The following INPP4B variants were observed in gnomAD, a reference collection of about 807,000 sequenced individuals.
The protein encoded by INPP4B is inositol polyphosphate 4-phosphatase type II.
A neutral mutation model predicts 122.5 loss-of-function variants in INPP4B; 55 were observed. The ratio of observed to expected loss-of-function variants is 0.45; its 90% CI spans 0.36 to 0.56. The LOEUF is 0.56. Ranked by LOEUF, INPP4B falls within the 20% of genes least tolerant of loss-of-function variation. The pLI, the probability that INPP4B is intolerant of heterozygous loss-of-function variation, is 0.00. For missense variants in INPP4B, 1,000 were observed against 1,097.7 expected (o/e 0.91, Z 1.26); for synonymous variants, 403 against 388.7 (o/e 1.04, Z -0.43).
intron 4 of INPP4B, among the ~76,000 whole-genome samples, chr4:142,430,255 A>G (rs981647984): frequency 2.0e-5 from 3 of 151,994 alleles, no homozygotes; most frequent in African/African-American, 7.2e-5. Flanking sequence ...TGCTTTGGTT[A>G]ACAATTTTAG....
intron 2 of INPP4B, among the ~76,000 whole-genome samples, chr4:142,608,115 T>C (rs1741669528): frequency 6.6e-6 from 1 of 152,146 alleles, no homozygotes; most frequent in Non-Finnish European, 1.5e-5. Context: ...AATAAATGAA[T>C]GAATCATCAA....
At chr4:142,453,264 T>G (rs936222358) in intron 3 of INPP4B, among the ~76,000 whole-genome samples, 4 of 152,310 alleles carry the variant, frequency 2.6e-5, no homozygotes, top group African/African-American at 9.6e-5. Context: ...GTACCCAAGA[T>G]GAGTTAAATA....
intron 2 of INPP4B, among the ~76,000 whole-genome samples, chr4:142,491,012 T>C (rs1334861840): frequency 1.3e-5 from 2 of 152,194 alleles, no homozygotes; most frequent in Non-Finnish European, 2.9e-5. Flanking sequence ...TTGTGAATAA[T>C]ACTGCAATGA....
At chr4:142,674,527 A>G (rs1757448941) in intron 2 of INPP4B, among the ~76,000 whole-genome samples, 1 of 152,184 alleles carries the variant, frequency 6.6e-6, no homozygotes, top group Non-Finnish European at 1.5e-5. Context: ...AAGCAGACCT[A>G]ATAGACATCT....
At chr4:142,060,617 C>A (rs905481984) in intron 25 of INPP4B, among the ~76,000 whole-genome samples, 2 of 152,128 alleles carry the variant, frequency 1.3e-5, no homozygotes, top group Admixed American at 6.5e-5. Flanking sequence ...TGTCTTTTAA[C>A]CCGTCTGTGG....
intron 9 of INPP4B, among the ~76,000 whole-genome samples, chr4:142,284,949 C>T (rs529640651): frequency 4.6e-5 from 7 of 151,978 alleles, no homozygotes; most frequent in African/African-American, 1.7e-4. Flanking sequence ...AACAGGATAG[C>T]GGGGCACAGG....
intron 2 of INPP4B, among the ~76,000 whole-genome samples, chr4:142,586,519 A>C (rs1303985927): frequency 6.6e-6 from 1 of 152,114 alleles, no homozygotes; most frequent in Non-Finnish European, 1.5e-5. Context: ...ATTATTCCCA[A>C]CAGCATTTTG....
intron 3 of INPP4B, among the ~76,000 whole-genome samples, chr4:142,457,976 G>T (rs1189854362): frequency 6.6e-6 from 1 of 152,116 alleles, no homozygotes; most frequent in Non-Finnish European, 1.5e-5. Flanking sequence ...TTAGTCAAGA[G>T]AAATGAAATC....
intron 18 of INPP4B, among the ~76,000 whole-genome samples, chr4:142,141,663 A>T (rs1373837393): frequency 6.6e-6 from 1 of 152,228 alleles, no homozygotes; most frequent in South Asian, 2.1e-4. Context: ...CTTGGTTCTC[A>T]AACAAACAGA....
At chr4:142,233,979 A>T (rs1312142600) in intron 12 of INPP4B, among the ~76,000 whole-genome samples, 2 of 152,112 alleles carry the variant, frequency 1.3e-5, no homozygotes, top group Admixed American at 6.5e-5. Context: ...ACCTAACCCT[A>T]TATAATAATG....
intron 2 of INPP4B, among the ~76,000 whole-genome samples, chr4:142,642,464 C>A (rs1360559439): frequency 2.0e-5 from 3 of 152,274 alleles, no homozygotes; most frequent in Non-Finnish European, 4.4e-5. Context: ...AGGAAGGGAT[C>A]CAGTTTCAGC....
chr4:142,341,095 T>C (rs1402071792), intron 7 of INPP4B, among the ~76,000 whole-genome samples: 3 of 152,198 alleles, frequency 2.0e-5, no homozygotes, highest in Non-Finnish European at 4.4e-5. Flanking sequence ...AATGCACTTA[T>C]AGTGAATATA....
intron 9 of INPP4B, among the ~76,000 whole-genome samples, chr4:142,288,212 G>A (rs1053069430): frequency 6.6e-6 from 1 of 152,094 alleles, no homozygotes; most frequent in Non-Finnish European, 1.5e-5. Context: ...ATTTAATATT[G>A]GTCATTATTT....
In INPP4B at chr4:142,628,302, A is replaced by C. The variant is rs375746560; in HGVS notation, c.-191+97537T>G. Among the ~76,000 whole-genome samples, 18 of 146,814 alleles carry C rather than the reference A, an allele frequency of 1.2e-4. No individual in the cohort carries two copies. The East Asian group carries it at 3.2e-3, about 26-fold the overall frequency. On this transcript the variant is annotated intron_variant, in intron 2 of 25. Transcript: ENST00000262992. ...TGGAAATCATCATTCTCAGTAAACT[A>C]TCACAAGAACAAAAAACTAAACACC...
chr4:142,596,915 CT>C (rs1443332244), intron 2 of INPP4B, among the ~76,000 whole-genome samples: 1 of 152,214 alleles, frequency 6.6e-6, no homozygotes, highest in Non-Finnish European at 1.5e-5. Context: ...TTATTTTCTG[CT>C]TTTTGTTTTG....
chr4:142,639,829 G>A (rs547501266), intron 2 of INPP4B, among the ~76,000 whole-genome samples: 10 of 152,084 alleles, frequency 6.6e-5, no homozygotes, highest in East Asian at 1.9e-4. Context: ...AAAAAGAGGC[G>A]GATCATTGCT....
At chr4:142,110,574 C>G (rs2152696118) in intron 22 of INPP4B, among the ~76,000 whole-genome samples, 1 of 152,198 alleles carries the variant, frequency 6.6e-6, no homozygotes, top group Admixed American at 6.6e-5. Context: ...GTTCAGAGAA[C>G]AGAGAGTAAG....
intron 18 of INPP4B, among the ~76,000 whole-genome samples, chr4:142,134,537 G>C (rs1387832844): frequency 6.6e-6 from 1 of 152,044 alleles, no homozygotes; most frequent in Non-Finnish European, 1.5e-5. Context: ...AAAAAAATTT[G>C]TAAGTATACT....
intron 25 of INPP4B, among the ~76,000 whole-genome samples, chr4:142,060,136 C>A (rs1191989242): frequency 6.6e-6 from 1 of 151,966 alleles, no homozygotes; most frequent in African/African-American, 2.4e-5. Context: ...GTGAAACTGC[C>A]CCATGGGATT....
Sources: allele counts gnomAD v4.1 joint callset (sites outside exome capture counted in the v4.1 genomes callset), GRCh38; gene constraint gnomAD v4.1.1; transcripts MANE v1.5; gene names NCBI Gene and HGNC (gene_info 2026-07-23, HGNC 2026-07-21).